Variants in ANKRD55 observed in about 807,000 individuals in gnomAD.
The protein encoded by ANKRD55 is ankyrin repeat domain-containing protein 55.
Under a neutral mutation model 60.6 loss-of-function variants are expected in ANKRD55, and 41 were observed. That is an observed-to-expected ratio of 0.68 (90% CI 0.53 to 0.88). The LOEUF (loss-of-function observed/expected upper bound fraction) is 0.88. Ranked by LOEUF, ANKRD55 falls within the 40% of genes least tolerant of loss-of-function variation. The probability of loss-of-function intolerance (pLI) is 0.00; values close to 1 mark genes in which losing one functional copy is unlikely to be tolerated. For missense variants in ANKRD55, 732 were observed against 767.6 expected, an observed-to-expected ratio of 0.95 and a Z score of 0.55; for synonymous variants, 264 against 290.3, an observed-to-expected ratio of 0.91 and a Z score of 0.92.
Position 56,183,527 on chromosome 5 carries a change from A to T in ANKRD55, c.166T>A (p.Cys56Ser), listed in dbSNP as rs139607103. ...VIREDPSILECCDSEGCTPLM... is the reference protein window; with the variant it reads ...VIREDPSILESCDSEGCTPLM... ...CATATCTCACCTTCACTGTCACAGC[A>T]TTCTAGGATAGAAGGGTCTTCCCGA... is the stretch of plus-strand genomic sequence containing the variant. Residue 56 changes from cysteine (C) to serine (S), a missense_variant, in exon 3 of 12, where the codon TGC becomes AGC. Transcript: ENST00000341048. 2.4e-5 allele frequency: 39 copies of T among 1,614,074 alleles called. No individual in the cohort carries two copies. Among genetic ancestry groups the T allele is most frequent in the Non-Finnish European group, 3.1e-5 (37 of 1,180,018 alleles).
At chr5:56,199,694 TC>T (rs1349439599) in intron 2 of ANKRD55, among the ~76,000 whole-genome samples, 1 of 150,448 alleles carries the variant, frequency 6.6e-6, no homozygotes, top group Non-Finnish European at 1.5e-5. Flanking sequence ...ATCGAGACCA[TC>T]CTGGCTAACA....
intron 2 of ANKRD55, among the ~76,000 whole-genome samples, chr5:56,210,958 T>G (rs1388452566): frequency 6.6e-6 from 1 of 152,228 alleles, no homozygotes; most frequent in African/African-American, 2.4e-5. Context: ...ATTGACACTT[T>G]AGAGGAGGCT....
Position 56,127,008 on chromosome 5 carries a change from G to A in ANKRD55, c.711C>T (p.Ile237=), listed in dbSNP as rs750318320. 8 of 1,613,708 alleles carry A rather than the reference G, an allele frequency of 5.0e-6. No individual in the cohort carries two copies. The highest frequency in any genetic ancestry group is 6.8e-6 in the Non-Finnish European group (8 of 1,179,908). ...DDESGKTCVH[I]AAAAGFSDII... ...TATCGCTGAAGCCCGCTGCCGCTGCGATATGTACACATGTCTTCCCACTCT... is the reference window on the plus strand; with the variant it reads ...TATCGCTGAAGCCCGCTGCCGCTGCAATATGTACACATGTCTTCCCACTCT... The change falls in exon 8 of 12, where the codon ATC becomes ATT. Residue 237 remains isoleucine (I), a synonymous_variant. Transcript: ENST00000341048.
At chr5:56,212,600 A>C (rs1759701982) in intron 2 of ANKRD55, among the ~76,000 whole-genome samples, 1 of 152,246 alleles carries the variant, frequency 6.6e-6, no homozygotes, top group Admixed American at 6.5e-5. Flanking sequence ...TATTTGTTTC[A>C]GCAACTTTAT....
At chr5:56,197,398 G>C (rs1465013391) in intron 2 of ANKRD55, among the ~76,000 whole-genome samples, 1 of 152,106 alleles carries the variant, frequency 6.6e-6, no homozygotes, top group Non-Finnish European at 1.5e-5. Context: ...ACAATTGTTA[G>C]TAAAAACAAT....
At chr5:56,168,465 AT>A (rs1421327722) in intron 5 of ANKRD55, among the ~76,000 whole-genome samples, 1 of 152,084 alleles carries the variant, frequency 6.6e-6, no homozygotes, top group African/African-American at 2.4e-5. Flanking sequence ...CATTACTCTT[AT>A]TTTACTTAGC....
chr5:56,136,186 C>A (rs530692228), intron 7 of ANKRD55, among the ~76,000 whole-genome samples: 11 of 152,262 alleles, frequency 7.2e-5, no homozygotes, highest in Non-Finnish European at 1.3e-4. Context: ...ATCAGTTCTT[C>A]AAAATTTGAT....
intron 2 of ANKRD55, among the ~76,000 whole-genome samples, chr5:56,203,745 T>G (rs895284948): frequency 2.0e-5 from 3 of 152,250 alleles, no homozygotes; most frequent in Non-Finnish European, 2.9e-5. Context: ...TTGTTGGACC[T>G]TTGGGTTGGT....
chr5:56,167,980 C>G (rs1415930520), intron 5 of ANKRD55, among the ~76,000 whole-genome samples: 1 of 152,172 alleles, frequency 6.6e-6, no homozygotes, highest in Non-Finnish European at 1.5e-5. Flanking sequence ...TTAGTTTACC[C>G]CTTAGGTGCA....
At chr5:56,137,381 G>A (rs1442578556) in intron 7 of ANKRD55, 3 of 1,121,268 alleles carry the variant, frequency 2.7e-6, no homozygotes, top group Non-Finnish European at 4.0e-6. Context: ...CTCATGGTCG[G>A]ATTAACCCAT....
chr5:56,156,875 T>G (rs1421112733), intron 6 of ANKRD55: 1 of 152,272 alleles, frequency 6.6e-6, no homozygotes, highest in Non-Finnish European at 1.5e-5. Flanking sequence ...TGGTCATTAA[T>G]GCTAGTCAGA....
At chr5:56,111,859 C>T in intron 9 of ANKRD55, 77 bp from the exon 10 acceptor site, 1 of 1,320,548 alleles carries the variant, frequency 7.6e-7, no homozygotes, top group Non-Finnish European at 1.0e-6. Context: ...TACCGACCCC[C>T]TATTCCACAT....
At position 56,225,082 on chromosome 5, in the gene ANKRD55, C is replaced by T. The variant is rs189983358; in HGVS notation, c.58+7774G>A. Among the ~76,000 whole-genome samples the T allele has an allele frequency of 2.2e-3, 334 of 152,282 alleles. 2 individuals carry two copies. The highest frequency in any genetic ancestry group is 1.5e-3 in the Non-Finnish European group (101 of 68,018). On this transcript the variant is annotated intron_variant, in intron 2 of 11. Transcript: ENST00000341048. The stretch of plus-strand genomic sequence containing the variant: ...TGATGAATATTGATGCAAAAATCCT[C>T]AATAAAATACTGGCAAACCGAACCC...
chr5:56,123,331 T>C (rs1043608593), intron 8 of ANKRD55, among the ~76,000 whole-genome samples: 1 of 152,084 alleles, frequency 6.6e-6, no homozygotes, highest in Non-Finnish European at 1.5e-5. Context: ...TATATGTATG[T>C]ATATTGTGTG....
chr5:56,131,795 CAAAAAAAA>C (rs34898025), intron 7 of ANKRD55, among the ~76,000 whole-genome samples: 795 of 26,660 alleles, frequency 0.03, 8 homozygotes, highest in Middle Eastern at 0.23. Flanking sequence ...GACTCCGTCT[CAAAAAAAA>C]AAAAAAAAAA....
intron 10 of ANKRD55, chr5:56,108,219 G>A (rs1756553517): frequency 6.6e-6 from 1 of 152,142 alleles, no homozygotes; most frequent in Non-Finnish European, 1.5e-5. Context: ...GTGACTTTGG[G>A]TTTCTTTTAC....
intron 5 of ANKRD55, chr5:56,161,944 T>A: frequency 1.0e-6 from 1 of 981,132 alleles, no homozygotes; most frequent in Non-Finnish European, 1.2e-6. Context: ...TGGATATATT[T>A]CCCTGTGGCT....
intron 5 of ANKRD55, chr5:56,162,172 A>T: frequency 6.7e-6 from 2 of 297,922 alleles, no homozygotes; most frequent in Non-Finnish European, 9.9e-6. Flanking sequence ...ATCTGTAGCC[A>T]GACAGGATCT....
At chr5:56,186,154 T>C (rs777701684) in intron 2 of ANKRD55, among the ~76,000 whole-genome samples, 15 of 152,026 alleles carry the variant, frequency 9.9e-5, no homozygotes, top group South Asian at 2.1e-4. Context: ...AGGCCTTAGT[T>C]TCCTTGTTTT....
Sources: allele counts gnomAD v4.1 joint callset (sites outside exome capture counted in the v4.1 genomes callset), GRCh38; gene constraint gnomAD v4.1.1; transcripts MANE v1.5; gene names NCBI Gene and HGNC (gene_info 2026-07-23, HGNC 2026-07-21).